The following IGSF9B variants were observed in gnomAD, a reference collection of about 807,000 sequenced individuals.
IGSF9B encodes the protein protein turtle homolog B.
Under a neutral mutation model 143.7 loss-of-function variants are expected in IGSF9B, and 48 were observed. The ratio of observed to expected loss-of-function variants is 0.33; its 90% confidence interval spans 0.26 to 0.42. The LOEUF is 0.42. Ranked by LOEUF, IGSF9B falls within the 20% of genes least tolerant of loss-of-function variation. The pLI is 1.00. For missense variants in IGSF9B, 1,706 were observed against 1,980.0 expected, an observed-to-expected ratio of 0.86 and a Z score of 2.63; for synonymous variants, 903 against 833.1, an observed-to-expected ratio of 1.08 and a Z score of -1.44.
chr11:133,910,261 G>C (rs1304108609), intron 19 of IGSF9B, among the ~76,000 whole-genome samples: 1 of 152,246 alleles, frequency 6.6e-6, no homozygotes, highest in Middle Eastern at 3.2e-3. Context: ...GCCGCTACGT[G>C]TCCTGCAGTT....
At chr11:133,952,299 T>C in intron 1 of IGSF9B, 1 of 293,870 alleles carries the variant, frequency 3.4e-6, no homozygotes. Context: ...AGTGAGCAAC[T>C]GAGACACAGC....
Position 133,948,082 on chromosome 11 carries a change from TGTGTGTGTC to T in IGSF9B, c.65-1833_65-1825del. ...GTGTGTGTGTGTGTGTGTGTGTGTG[TGTGTGTGTC>T]TGTGTGTGTTTCGGTTGGCTCATGC... On this transcript the variant is annotated intron_variant, in intron 1 of 19. Transcript: ENST00000533871. This position sits in a 1 kb window ranked among gnomAD's most constrained non-coding sequence, Gnocchi z 4.7. 6.8e-6 allele frequency among the ~76,000 whole-genome samples: 1 copy of T among 146,116 alleles called. No individual in the cohort carries two copies. Among genetic ancestry groups the T allele is most frequent in the East Asian group, 2.2e-4 (1 of 4,540 alleles).
intron 4 of IGSF9B, 143 bp downstream of exon 4, chr11:133,937,667 G>C (rs1254609673): frequency 2.6e-6 from 3 of 1,141,948 alleles, no homozygotes; most frequent in African/African-American, 1.6e-5. Context: ...GCGACACAGA[G>C]ACGCCTGCAG....
intron 18 of IGSF9B, among the ~76,000 whole-genome samples, chr11:133,917,456 G>A (rs1190001268): frequency 1.3e-5 from 2 of 152,008 alleles, no homozygotes; most frequent in East Asian, 3.9e-4. Context: ...GGGGAAGCCT[G>A]CCCCCTCCCC....
At chr11:133,941,609 G>C (rs1939956689) in intron 3 of IGSF9B, among the ~76,000 whole-genome samples, 1 of 152,232 alleles carries the variant, frequency 6.6e-6, no homozygotes, top group African/African-American at 2.4e-5. Flanking sequence ...TCTCACCGCA[G>C]AAGGGTTGGT....
rs1289581014 is a variant in IGSF9B, at chr11:133,903,246, A to C, written c.*5823T>G. On this transcript the variant is annotated 3_prime_UTR_variant, in exon 20 of 20. Coordinates refer to ENST00000533871, the MANE Select transcript of IGSF9B (RefSeq NM_001277285.4). ...TGGAGCACACTTCTTCAAGACCCGA[A>C]AGAAAGGCAGGCCCAGGCAGCCATT... Among the ~76,000 whole-genome samples the C allele has an allele frequency of 6.6e-6, 1 of 152,028 alleles. No individual in the cohort carries two copies. The highest frequency in any genetic ancestry group is 1.5e-5 in the Non-Finnish European group (1 of 68,008).
chr11:133,924,366 G>A (rs2121298076), intron 15 of IGSF9B, among the ~76,000 whole-genome samples: 1 of 152,252 alleles, frequency 6.6e-6, no homozygotes, highest in South Asian at 2.1e-4. Context: ...AGAGAGGAAG[G>A]AAGGGAGGAA....
rs756219238 is a variant in IGSF9B, at chr11:133,920,888, C to T, written c.2837G>A (p.Arg946Gln). ...CCGGGCCTGGCCTGTGGCCTGAAGCCGACCTTCCAGGCCACCGGGGCCCTC... is the reference window on the plus strand; with the variant it reads ...CCGGGCCTGGCCTGTGGCCTGAAGCTGACCTTCCAGGCCACCGGGGCCCTC... ...GLEGPGGLEGRLQATGQARPP... is the reference protein window; with the variant it reads ...GLEGPGGLEGQLQATGQARPP... Residue 946 changes from arginine to glutamine, a missense_variant, in exon 18 of 20, where the codon CGG becomes CAG. Physicochemically the swap from Arg to Gln is conservative, Grantham distance 43. Around this residue, in one of 7 missense-constraint regions of IGSF9B, gnomAD observed 880 missense variants for 762.9 expected, o/e 1.15. Transcript: ENST00000533871. 9.3e-6 allele frequency: 15 copies of T among 1,607,092 alleles called. No homozygotes were observed. Among genetic ancestry groups the T allele is most frequent in the African/African-American group, 4.0e-5 (3 of 74,740 alleles).
rs118184318 is a variant in IGSF9B at position 133,910,610 on chromosome 11, A to T, written c.4105+1276T>A. Among the ~76,000 whole-genome samples the T allele has an allele frequency of 1.2e-4, 19 of 152,198 alleles. No individual in the cohort carries two copies. In the East Asian group the frequency reaches 3.7e-3, roughly 29 times the overall value. The stretch of plus-strand genomic sequence containing the variant: ...GCTGATCAATAACTCTGCTTTAGAC[A>T]TCGTAAAGGCGTATGAAACACCCAA... On this transcript the variant is annotated intron_variant, in intron 19 of 19. Coordinates refer to ENST00000533871, the MANE Select transcript of IGSF9B (RefSeq NM_001277285.4).
rs1939218213 is a variant in IGSF9B, at chr11:133,906,885, C to G, written c.*2184G>C. Among the ~76,000 whole-genome samples, 1 of 152,168 alleles carries G rather than the reference C, an allele frequency of 6.6e-6. No individual in the cohort carries two copies. Among genetic ancestry groups the G allele is most frequent in the Non-Finnish European group, 1.5e-5 (1 of 68,038 alleles). ...GCTTGCGGTAAGCCCCCACCTCCCA[C>G]CCCAACACCTCAGGTAAGCCGGCTC... On this transcript the variant is annotated 3_prime_UTR_variant, in exon 20 of 20. Coordinates refer to ENST00000533871, the MANE Select transcript of IGSF9B (RefSeq NM_001277285.4).
intron 3 of IGSF9B, among the ~76,000 whole-genome samples, chr11:133,938,624 C>A (rs544271677): frequency 6.6e-6 from 1 of 152,158 alleles, no homozygotes; most frequent in Admixed American, 6.5e-5. Context: ...AGACTCAGTC[C>A]CATTTGCCTG....
chr11:133,926,591 C>A (rs1939630597), intron 13 of IGSF9B, among the ~76,000 whole-genome samples: 1 of 152,240 alleles, frequency 6.6e-6, no homozygotes, highest in African/African-American at 2.4e-5. Flanking sequence ...GGGCCAGAGG[C>A]CAGAACCGGC....
rs1157425268 is a variant in IGSF9B at position 133,906,459 on chromosome 11, C to A, written c.*2610G>T. ...GGCAGACCTGACGTCCTTGCCCTAG[C>A]CAGGGAAGCCACAGCACAGCAGCCA... On this transcript the variant is annotated 3_prime_UTR_variant, in exon 20 of 20. Coordinates refer to ENST00000533871, the MANE Select transcript of IGSF9B (RefSeq NM_001277285.4). 6.6e-6 allele frequency among the ~76,000 whole-genome samples: 1 copy of A among 152,218 alleles called. No homozygotes were observed. The highest frequency in any genetic ancestry group is 1.5e-5 in the Non-Finnish European group (1 of 68,042).
In IGSF9B at chr11:133,931,630, G is replaced by T; in HGVS notation, c.1251+25C>A. 6.2e-7 allele frequency: 1 copy of T among 1,608,306 alleles called. No homozygotes were observed. Among genetic ancestry groups the T allele is most frequent in the Non-Finnish European group, 8.5e-7 (1 of 1,176,330 alleles). On this transcript the variant is annotated intron_variant, in intron 9 of 19. Transcript: ENST00000533871. This position sits in a 1 kb window ranked among gnomAD's most constrained non-coding sequence, Gnocchi z 7.7. ...GGGATCCAGGTGCCCAGCTCATGGA[G>T]GCCGTCACAGCCCTGGGACCTCACC...
chr11:133,922,514 T>C, intron 16 of IGSF9B, 55 bp downstream of exon 16: 1 of 1,558,618 alleles, frequency 6.4e-7, no homozygotes, highest in South Asian at 1.2e-5. Flanking sequence ...CCTCTCTTGA[T>C]GGGGGGCATT....
intron 1 of IGSF9B, 59 bp downstream of exon 1, chr11:133,956,632 G>A: frequency 2.5e-6 from 3 of 1,182,644 alleles, no homozygotes; most frequent in Non-Finnish European, 3.6e-6. Context: ...CGAGGGGCCG[G>A]GCGCGAGGGG....
chr11:133,926,023 G>A (rs371348564), intron 13 of IGSF9B, 58 bp from the exon 14 acceptor site: 26 of 1,242,240 alleles, frequency 2.1e-5, no homozygotes, highest in African/African-American at 4.5e-5. Flanking sequence ...GGCAGCCACC[G>A]CACCCCCCAC....
chr11:133,937,871 G>T lies in IGSF9B; in HGVS notation c.500C>A (p.Pro167His). ...ITMTCTAFGNPKPIVTWLKEG... is the reference protein window; with the variant it reads ...ITMTCTAFGNHKPIVTWLKEG... ...CTTGAGCCAGGTGACAATGGGCTTG[G>T]GGTTCCCAAAAGCTGTGCAGGTCAT... The change falls in exon 4 of 20, where the codon CCC (proline) becomes CAC (histidine). Residue 167 changes from proline to histidine, a missense_variant. Transcript: ENST00000533871. The T allele has an allele frequency of 6.2e-7, 1 of 1,611,884 alleles. No homozygotes were observed. Among genetic ancestry groups the T allele is most frequent in the Non-Finnish European group, 8.5e-7 (1 of 1,179,012 alleles).
At position 133,948,454 on chromosome 11, in the gene IGSF9B, C is replaced by A. The variant is rs1160530939; in HGVS notation, c.65-2196G>T. Among the ~76,000 whole-genome samples, 2 of 152,174 alleles carry A rather than the reference C, an allele frequency of 1.3e-5. No homozygotes were observed. On this transcript the variant is annotated intron_variant, in intron 1 of 19. Coordinates refer to ENST00000533871, the MANE Select transcript of IGSF9B (RefSeq NM_001277285.4). The surrounding 1 kb of genome is among the most constrained non-coding windows in gnomAD (Gnocchi z 4.7). ...CTTCAGGCTAAGTTTGCAACCCAGC[C>A]CCTCAGGGAAAGCAGGGAGAGTGCC...
Sources: gnomAD v4.1 joint callset for allele counts (sites outside exome capture counted in the v4.1 genomes callset) on GRCh38, gnomAD v4.1.1 for gene constraint, gnomAD v4.1.1 regional missense constraint, Gnocchi (gnomAD v3.1) non-coding constraint, MANE v1.5 for transcripts, NCBI Gene and HGNC (gene_info 2026-07-23, HGNC 2026-07-21) for gene names.